The following AAK1 variants were observed in gnomAD, a reference collection of about 807,000 sequenced individuals.
AAK1 encodes the protein AP2-associated protein kinase 1.
In AAK1, 37 loss-of-function variants were observed where a neutral mutation model predicts 116.0. The ratio of observed to expected loss-of-function variants is 0.32; its 90% CI spans 0.25 to 0.42. The LOEUF (loss-of-function observed/expected upper bound fraction) is 0.42. Ranked by LOEUF, AAK1 falls within the 10% of genes least tolerant of loss-of-function variation. The probability of loss-of-function intolerance (pLI) is 1.00; values close to 1 mark genes in which losing one functional copy is unlikely to be tolerated. For synonymous variants in AAK1, 458 were observed against 439.9 expected, an observed-to-expected ratio of 1.04 and a Z score of -0.51; for missense variants, 919 against 1,170.6, an observed-to-expected ratio of 0.79 and a Z score of 3.14.
chr2:69,643,409 G>T, intron 1 of AAK1, 135 bp from the exon 2 acceptor site: 1 of 1,173,156 alleles, frequency 8.5e-7, no homozygotes, highest in Non-Finnish European at 1.1e-6. Flanking sequence ...AAAACCGTGG[G>T]GCTGAAAACG....
chr2:69,498,113 T>C (rs978055088), intron 16 of AAK1, among the ~76,000 whole-genome samples: 16 of 150,498 alleles, frequency 1.1e-4, no homozygotes, highest in African/African-American at 3.9e-4. Flanking sequence ...AATCCCTCCT[T>C]CTCAGCCTGA....
intron 17 of AAK1, 30 bp from the exon 18 acceptor site, chr2:69,482,842 C>A (rs1357808773): frequency 1.4e-6 from 2 of 1,423,374 alleles, no homozygotes; most frequent in South Asian, 1.2e-5. Flanking sequence ...AAAAAGAAAG[C>A]AAAAATGTAG....
At position 69,460,261 on chromosome 2, in the gene AAK1, T is replaced by G. The variant is rs1674307564; in HGVS notation, c.*15608A>C. The G allele has an allele frequency of 6.5e-6, 1 of 152,684 alleles. No individual in the cohort carries two copies. Among genetic ancestry groups the G allele is most frequent in the African/African-American group, 2.4e-5 (1 of 41,466 alleles). The allele number at this position is 152,684 out of a possible 1,614,324, so 9.5% of individuals were successfully genotyped here. A position where few individuals can be genotyped will look rare whatever the true frequency, so the allele number is the denominator to read the frequency against. On this transcript the variant is annotated 3_prime_UTR_variant, in exon 22 of 22. Transcript: ENST00000409085. ...GGACCCAAGTGATTTTTAAGCTGTATTCTTCCTGCTAGAGAATGAATTGAG... is the reference window on the plus strand; with the variant it reads ...GGACCCAAGTGATTTTTAAGCTGTAGTCTTCCTGCTAGAGAATGAATTGAG...
chr2:69,526,810 G>T (rs980734752), intron 9 of AAK1, among the ~76,000 whole-genome samples: 1 of 152,150 alleles, frequency 6.6e-6, no homozygotes, highest in African/African-American at 2.4e-5. Context: ...GAAGGAGAAC[G>T]GGGACAAGGG....
intron 2 of AAK1, among the ~76,000 whole-genome samples, chr2:69,584,217 C>T (rs973750325): frequency 6.6e-6 from 1 of 152,172 alleles, no homozygotes; most frequent in Non-Finnish European, 1.5e-5. Context: ...TTAAAAAACA[C>T]AATCAGGGAA....
Position 69,606,839 on chromosome 2 carries a change from G to A in AAK1, c.163+36039C>T, listed in dbSNP as rs1031554366. On this transcript the variant is annotated intron_variant, in intron 2 of 21. Transcript: ENST00000409085. ...CCAACACTTTGGGAGACCTAAGCGG[G>A]AGGACTGCTTGAGCTCACAAGTTCA... is the stretch of plus-strand genomic sequence containing the variant. Among the ~76,000 whole-genome samples the A allele has an allele frequency of 3.9e-5, 6 of 152,142 alleles. No homozygotes were observed. In the East Asian group the frequency reaches 7.7e-4, roughly 20 times the overall value.
At position 69,469,885 on chromosome 2, in the gene AAK1, A is replaced by G; in HGVS notation, c.*5984T>C. 4.1e-6 allele frequency: 4 copies of G among 985,458 alleles called. No homozygotes were observed. Among genetic ancestry groups the G allele is most frequent in the Non-Finnish European group, 2.4e-6 (2 of 829,942 alleles). 61.0% of individuals were successfully genotyped at this position (985,458 alleles called of 1,614,324 possible). A position where few individuals can be genotyped will look rare whatever the true frequency, so the allele number is the denominator to read the frequency against. On this transcript the variant is annotated 3_prime_UTR_variant, in exon 22 of 22. Coordinates refer to ENST00000409085, the MANE Select transcript of AAK1 (RefSeq NM_014911.5). ...CCATATTAGTCTATTTTGAGGCTCC[A>G]AATTATGTAGATTTCAGCAAGAACT...
intron 20 of AAK1, 140 bp downstream of exon 20, chr2:69,478,811 G>A (rs1045235625): frequency 1.2e-5 from 8 of 669,550 alleles, no homozygotes; most frequent in Admixed American, 2.6e-5. Context: ...CAGTATCTAG[G>A]AGATACTCAA....
chr2:69,586,030 C>T lies in AAK1; in HGVS notation c.164-29052G>A, dbSNP rs545706817. Among the ~76,000 whole-genome samples the T allele has an allele frequency of 3.9e-5, 6 of 152,124 alleles. 1 individual carries two copies. The highest frequency in any genetic ancestry group is 4.1e-4 in the South Asian group (2 of 4,826). ...TGCGGAGTGCTCCCTGCCCTCCGCACGTCACTGCCCCAAGGGGTCTGGGAA... is the reference window on the plus strand; with the variant it reads ...TGCGGAGTGCTCCCTGCCCTCCGCATGTCACTGCCCCAAGGGGTCTGGGAA... On this transcript the variant is annotated intron_variant, in intron 2 of 21. Transcript: ENST00000409085.
In AAK1 at chr2:69,540,417, G is replaced by A. The variant is rs568166856; in HGVS notation, c.534+2106C>T. Among the ~76,000 whole-genome samples the A allele has an allele frequency of 4.2e-3, 641 of 152,174 alleles. 5 individuals carry two copies. The highest frequency in any genetic ancestry group is 0.015 in the African/African-American group (606 of 41,528). On this transcript the variant is annotated intron_variant, in intron 5 of 21. Coordinates refer to ENST00000409085, the MANE Select transcript of AAK1 (RefSeq NM_014911.5). ...ATTATAGGCATGAGCCACCACGCCC[G>A]GCCACATTCCTCTATTTCTACTTAG... is the stretch of plus-strand genomic sequence containing the variant.
chr2:69,606,645 A>G (rs927703335), intron 2 of AAK1, among the ~76,000 whole-genome samples: 15 of 152,264 alleles, frequency 9.9e-5, no homozygotes, highest in Non-Finnish European at 2.2e-4. Flanking sequence ...CAAAGTGACT[A>G]CTGCATGACA....
rs184792983 is a variant in AAK1, at chr2:69,496,155, G to T, written c.2270-75C>A. 50 of 1,084,320 alleles carry T rather than the reference G, an allele frequency of 4.6e-5. No homozygotes were observed. In the East Asian group the frequency reaches 1.1e-3, roughly 25 times the overall value. The allele number at this position is 1,084,320 out of a possible 1,614,324, so 67.2% of individuals were successfully genotyped here. A position where few individuals can be genotyped will look rare whatever the true frequency, so the allele number is the denominator to read the frequency against. ...AAAGCAATAACACCAAGTAAATCTA[G>T]GTAAGTTTACCCTCTATTAATGCAA... is the stretch of plus-strand genomic sequence containing the variant. On this transcript the variant is annotated intron_variant, in intron 16 of 21. Coordinates refer to ENST00000409085, the MANE Select transcript of AAK1 (RefSeq NM_014911.5).
Position 69,475,114 on chromosome 2 carries a change from A to ATGTG in AAK1, c.*754_*755insCACA, listed in dbSNP as rs1674805826. 1 of 985,696 alleles carries ATGTG rather than the reference A, an allele frequency of 1.0e-6. No homozygotes were observed. The highest frequency in any genetic ancestry group is 1.2e-6 in the Non-Finnish European group (1 of 829,924). 61.1% of individuals were successfully genotyped at this position (985,696 alleles called of 1,614,324 possible). On this transcript the variant is annotated 3_prime_UTR_variant, in exon 22 of 22. Coordinates refer to ENST00000409085, the MANE Select transcript of AAK1 (RefSeq NM_014911.5). ...TACTTGGGATTTATATAACGTACAC[A>ATGTG]TTGTATCCAAGGATCTCAAATACTT...
intron 17 of AAK1, among the ~76,000 whole-genome samples, chr2:69,489,638 G>C (rs1258334697): frequency 6.6e-6 from 1 of 152,134 alleles, no homozygotes; most frequent in Non-Finnish European, 1.5e-5. Flanking sequence ...CCAGCCTTGT[G>C]GCTTTGGAAA....
intron 2 of AAK1, among the ~76,000 whole-genome samples, chr2:69,605,169 T>G (rs954840307): frequency 6.6e-6 from 1 of 152,142 alleles, no homozygotes; most frequent in Non-Finnish European, 1.5e-5. Flanking sequence ...GTTTGTCCCC[T>G]TTTTCCTTGC....
chr2:69,643,343 AG>A (rs1675835625), intron 1 of AAK1, 69 bp from the exon 2 acceptor site: 1 of 1,235,724 alleles, frequency 8.1e-7, no homozygotes. Flanking sequence ...GCTGAGTCCT[AG>A]GGGGAGCAAA....
intron 6 of AAK1, chr2:69,531,471 TA>T: frequency 1.8e-6 from 1 of 540,816 alleles, no homozygotes; most frequent in Non-Finnish European, 2.4e-6. Context: ...CTGTTGCCTG[TA>T]AAAAATCCAA....
intron 17 of AAK1, among the ~76,000 whole-genome samples, chr2:69,487,811 CAG>C (rs1675358835): frequency 7.9e-6 from 1 of 126,070 alleles, no homozygotes; most frequent in South Asian, 2.6e-4. Flanking sequence ...TTTTTTGAGA[CAG>C]AGTTTCACTC....
chr2:69,556,846 AG>A lies in AAK1; in HGVS notation c.282+13del, dbSNP rs1558959252. 6.3e-7 allele frequency: 1 copy of A among 1,591,838 alleles called. No individual in the cohort carries two copies. Among genetic ancestry groups the A allele is most frequent in the South Asian group, 1.1e-5 (1 of 90,504 alleles). On this transcript the variant is annotated intron_variant, in intron 3 of 21. Transcript: ENST00000409085. ...TCCATTTTAAACAGTCCCAAGTCCA[AG>A]GGGCAGCCTTACCATTATCTGGATT...
Sources: gnomAD v4.1 joint callset for allele counts (sites outside exome capture counted in the v4.1 genomes callset) on GRCh38, gnomAD v4.1.1 for gene constraint, MANE v1.5 for transcripts, NCBI Gene and HGNC (gene_info 2026-07-23, HGNC 2026-07-21) for gene names.